IMPG2: variants seen among roughly 807,000 people sequenced by gnomAD.
The protein encoded by IMPG2 is IPM 200.
In IMPG2, 91 loss-of-function variants were observed where a neutral mutation model predicts 129.2. That is an observed-to-expected ratio of 0.70 (90% CI 0.59 to 0.84). IMPG2 has a LOEUF of 0.84. IMPG2 is among the 40% of genes least tolerant of loss of function. The pLI, the probability that IMPG2 is intolerant of heterozygous loss-of-function variation, is 0.00. For synonymous variants in IMPG2, 510 were observed against 517.7 expected, an observed-to-expected ratio of 0.99 and a Z score of 0.20; for missense variants, 1,430 against 1,461.7, an observed-to-expected ratio of 0.98 and a Z score of 0.35.
chr3:101,263,575 G>C (rs1047454947), intron 9 of IMPG2, among the ~76,000 whole-genome samples: 1 of 151,822 alleles, frequency 6.6e-6, no homozygotes, highest in African/African-American at 2.4e-5. Context: ...CAAGTTTATA[G>C]CAATAAATGT....
intron 11 of IMPG2, among the ~76,000 whole-genome samples, chr3:101,249,523 T>G (rs1158373043): frequency 6.6e-6 from 1 of 151,810 alleles, no homozygotes; most frequent in Non-Finnish European, 1.5e-5. Context: ...AAGTATATGA[T>G]GCAATGTTAG....
chr3:101,256,362 G>GCA (rs1239947699), intron 10 of IMPG2, among the ~76,000 whole-genome samples: 1 of 150,540 alleles, frequency 6.6e-6, no homozygotes, highest in South Asian at 2.1e-4. Context: ...GCACATATGT[G>GCA]CACACACACA....
chr3:101,236,709 C>CAGGAAATTCCCTTGGG (rs1475665272), intron 14 of IMPG2, among the ~76,000 whole-genome samples: 2 of 152,164 alleles, frequency 1.3e-5, no homozygotes, highest in African/African-American at 4.8e-5. Flanking sequence ...ACCTGCAGAC[C>CAGGAAATTCCCTTGGG]AGGAAATTCC....
At chr3:101,256,495 TCTA>T (rs1330486242) in intron 10 of IMPG2, among the ~76,000 whole-genome samples, 1 of 152,110 alleles carries the variant, frequency 6.6e-6, no homozygotes, top group Non-Finnish European at 1.5e-5. Context: ...GCCTTTTAAA[TCTA>T]CTATTCTCTT....
chr3:101,229,311 C>CCCCCCCCCG, intron 17 of IMPG2, 69 bp downstream of exon 17: 2 of 876,508 alleles, frequency 2.3e-6, no homozygotes, highest in Non-Finnish European at 3.7e-6. Context: ...CCCCCACCCA[C>CCCCCCCCCG]CACCCCCTGC....
chr3:101,282,215 C>T (rs560385330), intron 4 of IMPG2, among the ~76,000 whole-genome samples: 2 of 152,102 alleles, frequency 1.3e-5, no homozygotes, highest in African/African-American at 2.4e-5. Flanking sequence ...CCATGGAAAT[C>T]GTGGGCAAAT....
chr3:101,282,649 C>G (rs1706904308), intron 4 of IMPG2, among the ~76,000 whole-genome samples: 1 of 152,142 alleles, frequency 6.6e-6, no homozygotes, highest in South Asian at 2.1e-4. Flanking sequence ...ACAGATTTCT[C>G]CTTTACCTAT....
chr3:101,305,324 T>C (rs2107138010), intron 2 of IMPG2, among the ~76,000 whole-genome samples: 1 of 152,034 alleles, frequency 6.6e-6, no homozygotes, highest in East Asian at 1.9e-4. Flanking sequence ...TTTCCAGGGG[T>C]TGAGGGAGAC....
chr3:101,256,208 A>G (rs1280461832), intron 10 of IMPG2, among the ~76,000 whole-genome samples: 1 of 150,762 alleles, frequency 6.6e-6, no homozygotes, highest in Admixed American at 6.6e-5. Flanking sequence ...AAAGAAAGAA[A>G]GAAAGAAAGA....
chr3:101,268,053 T>A (rs1706740345), intron 8 of IMPG2, among the ~76,000 whole-genome samples: 1 of 152,216 alleles, frequency 6.6e-6, no homozygotes, highest in Non-Finnish European at 1.5e-5. Context: ...TTATAAAAAT[T>A]GATTTAATCT....
rs148110369 is a variant in IMPG2 at position 101,244,439 on chromosome 3, G to A, written c.1892C>T (p.Pro631Leu). 68 of 1,614,070 alleles carry A rather than the reference G, an allele frequency of 4.2e-5. No individual in the cohort carries two copies. The African/African-American group carries it at 5.6e-4, about 13-fold the overall frequency. The stretch of plus-strand genomic sequence containing the variant: ...AAGTGAATCATCATCTTCAAGCCAC[G>A]GCTTGGACAGTGGTTCAGCGCTCTT... ...SEKSAEPLSKPWLEDDDSLLP... is the reference protein window; with the variant it reads ...SEKSAEPLSKLWLEDDDSLLP... The change falls in exon 13 of 19, where the codon CCG becomes CTG. Residue 631 changes from proline to leucine, a missense_variant. By Grantham distance (98) the Pro-to-Leu change is moderately conservative. Coordinates refer to ENST00000193391, the MANE Select transcript of IMPG2 (RefSeq NM_016247.4).
intron 3 of IMPG2, among the ~76,000 whole-genome samples, chr3:101,300,960 A>G (rs1337788596): frequency 6.6e-6 from 1 of 152,210 alleles, no homozygotes; most frequent in Non-Finnish European, 1.5e-5. Context: ...AAAGTGAGAG[A>G]CATGCTATTC....
At chr3:101,254,156 T>C (rs1487478027) in intron 10 of IMPG2, among the ~76,000 whole-genome samples, 2 of 152,082 alleles carry the variant, frequency 1.3e-5, no homozygotes, top group African/African-American at 4.8e-5. Context: ...TGGTTTATGC[T>C]AAGAATGGTA....
In IMPG2 at chr3:101,223,350, G is replaced by A. The variant is rs886057667; in HGVS notation, c.*3619C>T. 11 of 152,234 alleles carry A rather than the reference G, an allele frequency of 7.2e-5. No individual in the cohort carries two copies. The highest frequency in any genetic ancestry group is 5.8e-4 in the East Asian group (3 of 5,176). 9.4% of individuals were successfully genotyped at this position (152,234 alleles called of 1,614,324 possible). ...AGAAAAAAATAAAACAAAACAACCC[G>A]TTTGGGGTTTGTGTTTTTGTTTTTT... On this transcript the variant is annotated 3_prime_UTR_variant, in exon 19 of 19. Coordinates refer to ENST00000193391, the MANE Select transcript of IMPG2 (RefSeq NM_016247.4).
chr3:101,264,355 G>C (rs963623065), intron 9 of IMPG2, among the ~76,000 whole-genome samples: 1 of 151,964 alleles, frequency 6.6e-6, no homozygotes. Flanking sequence ...AATACACCAT[G>C]ACCAAGTAGG....
rs147044381 is a variant in IMPG2, at chr3:101,269,260, G to A, written c.887+255C>T. 7.3e-3 allele frequency among the ~76,000 whole-genome samples: 1,111 copies of A among 152,100 alleles called. 12 individuals carry two copies. Among genetic ancestry groups the A allele is most frequent in the Middle Eastern group, 0.048 (14 of 292 alleles). On this transcript the variant is annotated intron_variant, in intron 8 of 18. Transcript: ENST00000193391. ...ACGTAACTTGTCAGCAGCAAGCTGG[G>A]GACATGAATTCCTGAATTCTTAACC...
intron 14 of IMPG2, among the ~76,000 whole-genome samples, chr3:101,236,067 T>C (rs1231336471): frequency 6.6e-6 from 1 of 152,204 alleles, no homozygotes; most frequent in East Asian, 1.9e-4. Flanking sequence ...AAATGCCTGA[T>C]AGAATCAACT....
intron 15 of IMPG2, 68 bp from the exon 16 acceptor site, chr3:101,231,213 C>G: frequency 6.9e-7 from 1 of 1,441,564 alleles, no homozygotes; most frequent in South Asian, 1.1e-5. Flanking sequence ...AACAGCAGAA[C>G]CTTCTGAGGG....
intron 2 of IMPG2, among the ~76,000 whole-genome samples, chr3:101,307,133 T>G (rs900133614): frequency 1.3e-5 from 2 of 152,204 alleles, no homozygotes; most frequent in African/African-American, 4.8e-5. Context: ...AATGAGTATG[T>G]GAAAAACTGT....
Sources: gnomAD v4.1 joint callset for allele counts (sites outside exome capture counted in the v4.1 genomes callset) on GRCh38, gnomAD v4.1.1 for gene constraint, MANE v1.5 for transcripts, NCBI Gene and HGNC (gene_info 2026-07-23, HGNC 2026-07-21) for gene names.